The following MAP3K5 variants were observed in gnomAD, a reference collection of about 807,000 sequenced individuals.
MAP3K5 encodes mitogen-activated protein kinase kinase kinase 5.
Under a neutral mutation model 158.7 loss-of-function variants are expected in MAP3K5, and 56 were observed. That is an observed-to-expected ratio of 0.35 (90% CI 0.28 to 0.44). The LOEUF (loss-of-function observed/expected upper bound fraction) is 0.44. Ranked by LOEUF, MAP3K5 falls within the 20% of genes least tolerant of loss-of-function variation. MAP3K5 has a pLI of 1.00. For missense variants in MAP3K5, 1,294 were observed against 1,674.8 expected (o/e 0.77, Z 3.97); for synonymous variants, 579 against 601.7 (o/e 0.96, Z 0.55).
intron 24 of MAP3K5, among the ~76,000 whole-genome samples, chr6:136,581,088 A>C: frequency 6.6e-6 from 1 of 152,070 alleles, no homozygotes; most frequent in East Asian, 1.9e-4. Flanking sequence ...CAAAACTAAA[A>C]CTCTATACTC....
At chr6:136,643,189 G>A (rs938316643) in intron 11 of MAP3K5, among the ~76,000 whole-genome samples, 2 of 152,200 alleles carry the variant, frequency 1.3e-5, no homozygotes, top group Admixed American at 1.3e-4. Flanking sequence ...AAACATGGGT[G>A]ATTTGCAGAG....
chr6:136,791,165 G>C (rs1359068939), intron 1 of MAP3K5, among the ~76,000 whole-genome samples: 2 of 152,168 alleles, frequency 1.3e-5, no homozygotes, highest in African/African-American at 2.4e-5. Flanking sequence ...GTCTGGGTTG[G>C]TGAGAGGAAA....
At chr6:136,779,893 G>GT (rs2115035122) in intron 1 of MAP3K5, among the ~76,000 whole-genome samples, 1 of 152,320 alleles carries the variant, frequency 6.6e-6, no homozygotes, top group Admixed American at 6.5e-5. Flanking sequence ...AGGAACCCTG[G>GT]TTAAAGCAAG....
At chr6:136,625,862 TATAAA>T (rs1477500811) in intron 14 of MAP3K5, among the ~76,000 whole-genome samples, 1 of 150,274 alleles carries the variant, frequency 6.7e-6, no homozygotes, top group Non-Finnish European at 1.5e-5. Context: ...AGAATATAGT[TATAAA>T]ATATGTACAT....
At position 136,720,499 on chromosome 6, in the gene MAP3K5, T is replaced by G. The variant is rs1267395206; in HGVS notation, c.539A>C (p.Asn180Thr). The G allele has an allele frequency of 6.2e-7, 1 of 1,613,574 alleles. No individual in the cohort carries two copies. The highest frequency in any genetic ancestry group is 1.1e-5 in the South Asian group (1 of 90,982). The stretch of plus-strand genomic sequence containing the variant: ...GTTAGTATCACAGTAGAGGATGATG[T>G]TGTTGGCCATGCTGAAACTTTCTCT... ...GVRESFSMAN[N>T]IILYCDTNSD... Residue 180 changes from asparagine to threonine, a missense_variant, in exon 2 of 30, where the codon AAC becomes ACC. Asn to Thr is a moderately conservative substitution (Grantham distance 65). Coordinates refer to ENST00000359015, the MANE Select transcript of MAP3K5 (RefSeq NM_005923.4).
At chr6:136,691,816 C>T (rs1004119788) in intron 7 of MAP3K5, among the ~76,000 whole-genome samples, 4 of 152,052 alleles carry the variant, frequency 2.6e-5, no homozygotes, top group Non-Finnish European at 2.9e-5. Flanking sequence ...CTTTTCAGTT[C>T]TAGAACTCCC....
intron 1 of MAP3K5, among the ~76,000 whole-genome samples, chr6:136,743,286 T>A (rs1582625370): frequency 6.6e-6 from 1 of 151,940 alleles, no homozygotes; most frequent in Admixed American, 6.6e-5. Context: ...CCGTGTCTAC[T>A]AAAAATACAA....
intron 23 of MAP3K5, among the ~76,000 whole-genome samples, chr6:136,586,097 A>C (rs907625081): frequency 9.2e-5 from 14 of 152,226 alleles, no homozygotes; most frequent in Admixed American, 9.2e-4. Flanking sequence ...ATTATATTGA[A>C]AAGCTTGAAA....
intron 1 of MAP3K5, among the ~76,000 whole-genome samples, chr6:136,767,149 C>A (rs770692587): frequency 7.9e-5 from 12 of 152,100 alleles, no homozygotes; most frequent in Non-Finnish European, 1.6e-4. Flanking sequence ...ACTTTCCACA[C>A]TGAAATATTT....
chr6:136,730,035 C>T (rs1438812100), intron 1 of MAP3K5, among the ~76,000 whole-genome samples: 1 of 152,196 alleles, frequency 6.6e-6, no homozygotes, highest in African/African-American at 2.4e-5. Context: ...TGCAGTGATG[C>T]AATCACGGCT....
At chr6:136,586,391 G>T (rs1198925018) in intron 23 of MAP3K5, among the ~76,000 whole-genome samples, 1 of 152,184 alleles carries the variant, frequency 6.6e-6, no homozygotes, top group Non-Finnish European at 1.5e-5. Flanking sequence ...GTTGCTTCTG[G>T]TTTTTTGATG....
intron 7 of MAP3K5, among the ~76,000 whole-genome samples, chr6:136,675,159 G>A (rs1779652803): frequency 6.6e-6 from 1 of 152,008 alleles, no homozygotes; most frequent in South Asian, 2.1e-4. Flanking sequence ...AGTCCCAAAT[G>A]TACCTAATAG....
Position 136,622,905 on chromosome 6 carries a change from C to T in MAP3K5, c.2093G>A (p.Arg698Gln), listed in dbSNP as rs1431849457. Reference protein sequence around the residue: ...KGTYGIVYAGRDLSNQVRIAI... With the variant: ...KGTYGIVYAGQDLSNQVRIAI... Reference sequence around the variant, plus strand: ...AATTCTGACTTGGTTGCTCAAGTCCCGACCTGCGTAGACTATCCCATAAGT... The same window carrying T: ...AATTCTGACTTGGTTGCTCAAGTCCTGACCTGCGTAGACTATCCCATAAGT... Residue 698 changes from arginine to glutamine, a missense_variant, in exon 15 of 30, where the codon CGG becomes CAG. Transcript: ENST00000359015. 6 of 1,613,608 alleles carry T rather than the reference C, an allele frequency of 3.7e-6. No individual in the cohort carries two copies. Among genetic ancestry groups the T allele is most frequent in the East Asian group, 2.2e-5 (1 of 44,864 alleles).
chr6:136,697,111 C>A, intron 5 of MAP3K5, 108 bp downstream of exon 5: 1 of 788,584 alleles, frequency 1.3e-6, no homozygotes. Flanking sequence ...TAAAAAATTA[C>A]GTGTAGTAAC....
intron 14 of MAP3K5, among the ~76,000 whole-genome samples, chr6:136,627,305 C>T (rs976346209): frequency 6.6e-6 from 1 of 152,148 alleles, no homozygotes; most frequent in African/African-American, 2.4e-5. Context: ...AGAGGCTTTT[C>T]TCCTCTCTTG....
chr6:136,648,336 C>G (rs893648809), intron 11 of MAP3K5, among the ~76,000 whole-genome samples: 1 of 152,110 alleles, frequency 6.6e-6, no homozygotes, highest in Admixed American at 6.5e-5. Context: ...TTACCACAAC[C>G]TATTGGTAGA....
intron 3 of MAP3K5, among the ~76,000 whole-genome samples, chr6:136,702,858 G>C (rs998774893): frequency 2.6e-5 from 4 of 151,920 alleles, no homozygotes; most frequent in Admixed American, 2.0e-4. Context: ...ACCACACTTG[G>C]CTACTTGTTG....
intron 11 of MAP3K5, among the ~76,000 whole-genome samples, chr6:136,644,420 G>A (rs1778144553): frequency 6.6e-6 from 1 of 152,194 alleles, no homozygotes; most frequent in Non-Finnish European, 1.5e-5. Flanking sequence ...AAGGCCAAAC[G>A]CAGCGCTAGC....
At chr6:136,617,929 T>A (rs1395030099) in intron 15 of MAP3K5, among the ~76,000 whole-genome samples, 1 of 151,972 alleles carries the variant, frequency 6.6e-6, no homozygotes, top group Non-Finnish European at 1.5e-5. Flanking sequence ...TGAAACTCCA[T>A]CTCAAAAATA....
Sources: gnomAD v4.1 joint callset for allele counts (sites outside exome capture counted in the v4.1 genomes callset) on GRCh38, gnomAD v4.1.1 for gene constraint, MANE v1.5 for transcripts, NCBI Gene and HGNC (gene_info 2026-07-23, HGNC 2026-07-21) for gene names.